Variants in MYO1E observed in about 807,000 individuals in gnomAD.
MYO1E encodes unconventional myosin-Ie.
A neutral mutation model predicts 151.1 loss-of-function variants in MYO1E; 68 were observed. The ratio of observed to expected loss-of-function variants is 0.45; its 90% CI spans 0.37 to 0.55. The LOEUF is 0.55. Among genes scored for constraint, MYO1E ranks in the 20% least tolerant of loss-of-function variants. The pLI is 0.00. For missense variants in MYO1E, 1,363 were observed against 1,389.3 expected, an observed-to-expected ratio of 0.98 and a Z score of 0.30; for synonymous variants, 601 against 501.7, an observed-to-expected ratio of 1.20 and a Z score of -2.64.
chr15:59,342,482 T>C (rs2080771537), intron 1 of MYO1E, among the ~76,000 whole-genome samples: 1 of 152,258 alleles, frequency 6.6e-6, no homozygotes, highest in Non-Finnish European at 1.5e-5. Flanking sequence ...GTCTTAGATT[T>C]AGGTCATTCA....
intron 4 of MYO1E, among the ~76,000 whole-genome samples, chr15:59,253,766 C>A (rs1467896256): frequency 6.6e-6 from 1 of 152,018 alleles, no homozygotes; most frequent in Admixed American, 6.6e-5. Context: ...ACCACCACTC[C>A]CGGCGTCTAA....
intron 5 of MYO1E, 108 bp from the exon 6 acceptor site, chr15:59,231,899 C>T (rs1454424537): frequency 1.0e-5 from 11 of 1,101,636 alleles, no homozygotes; most frequent in Admixed American, 3.8e-5. Flanking sequence ...AGGTGAGGGG[C>T]CCCACACCCG....
Position 59,136,033 on chromosome 15 carries a change from G to A in MYO1E, c.*1347C>T. On this transcript the variant is annotated 3_prime_UTR_variant, in exon 28 of 28. Coordinates refer to ENST00000288235, the MANE Select transcript of MYO1E (RefSeq NM_004998.4). ...GGTTGGAAGTCCAAGACCAAGGTGG[G>A]CAGGGCTGGTTCCTTGTGAGGGTGT... 1 of 152,442 alleles carries A rather than the reference G, an allele frequency of 6.6e-6. No individual in the cohort carries two copies. The highest frequency in any genetic ancestry group is 1.9e-4 in the East Asian group (1 of 5,190). 9.4% of individuals were successfully genotyped at this position (152,442 alleles called of 1,614,324 possible).
intron 1 of MYO1E, among the ~76,000 whole-genome samples, chr15:59,299,273 A>T (rs1454282425): frequency 6.6e-6 from 1 of 152,242 alleles, no homozygotes; most frequent in East Asian, 1.9e-4. Flanking sequence ...TTGAGTAATG[A>T]GATACAAATT....
chr15:59,153,769 G>C lies in MYO1E; in HGVS notation c.2901C>G (p.Ile967Met). 1 of 1,613,900 alleles carries C rather than the reference G, an allele frequency of 6.2e-7. No individual in the cohort carries two copies. Among genetic ancestry groups the C allele is most frequent in the Non-Finnish European group, 8.5e-7 (1 of 1,179,770 alleles). The change falls in exon 26 of 28, where the codon ATC becomes ATG. Residue 967 changes from isoleucine to methionine, a missense_variant. By Grantham distance (10) the Ile-to-Met change is conservative (BLOSUM62 1). Transcript: ENST00000288235. ...GGGGATATGGCACATACTGGTTTCT[G>C]ATGACTCCGTTCTGATGGTATCCTA... ...PPPGYHQNGVIRNQYVPYPHA... is the reference protein window; with the variant it reads ...PPPGYHQNGVMRNQYVPYPHA...
At chr15:59,169,726 G>A (rs1216249063) in intron 22 of MYO1E, among the ~76,000 whole-genome samples, 1 of 152,180 alleles carries the variant, frequency 6.6e-6, no homozygotes, top group Non-Finnish European at 1.5e-5. Context: ...TATATCCCCA[G>A]AGGCTGTAAA....
At chr15:59,371,906 C>T (rs1295465831) in intron 1 of MYO1E, among the ~76,000 whole-genome samples, 1 of 151,018 alleles carries the variant, frequency 6.6e-6, no homozygotes, top group Non-Finnish European at 1.5e-5. Flanking sequence ...CTACCTGGCG[C>T]CCCCGCCTGC....
intron 6 of MYO1E, among the ~76,000 whole-genome samples, chr15:59,229,196 G>T (rs2140353303): frequency 6.6e-6 from 1 of 152,318 alleles, no homozygotes; most frequent in South Asian, 2.1e-4. Context: ...AAGGGCAGGT[G>T]TTGGACAGGC....
chr15:59,276,550 A>T (rs2080320368), intron 1 of MYO1E, among the ~76,000 whole-genome samples: 1 of 152,126 alleles, frequency 6.6e-6, no homozygotes, highest in African/African-American at 2.4e-5. Flanking sequence ...GAGTGCAGAC[A>T]CTCTCAGATC....
intron 4 of MYO1E, among the ~76,000 whole-genome samples, chr15:59,243,340 A>G (rs564169296): frequency 2.0e-5 from 3 of 152,250 alleles, no homozygotes; most frequent in Admixed American, 2.0e-4. Context: ...GGCTATGATA[A>G]TTGGAGGTAC....
intron 3 of MYO1E, among the ~76,000 whole-genome samples, chr15:59,257,684 C>T (rs1441076524): frequency 7.9e-5 from 12 of 152,078 alleles, no homozygotes; most frequent in African/African-American, 2.9e-4. Flanking sequence ...GTATCCGATA[C>T]CCAGTGTTCT....
chr15:59,314,437 G>T (rs1234279122), intron 1 of MYO1E, among the ~76,000 whole-genome samples: 1 of 152,128 alleles, frequency 6.6e-6, no homozygotes, highest in Non-Finnish European at 1.5e-5. Flanking sequence ...CTATTGAGTT[G>T]CCTGCCCTGA....
At chr15:59,237,062 A>G (rs932530477) in intron 4 of MYO1E, among the ~76,000 whole-genome samples, 1 of 152,274 alleles carries the variant, frequency 6.6e-6, no homozygotes, top group East Asian at 1.9e-4. Context: ...GTTAAGTGAA[A>G]TAAGTCATTC....
intron 23 of MYO1E, 110 bp downstream of exon 23, chr15:59,163,047 C>G (rs2079546426): frequency 7.8e-7 from 1 of 1,288,410 alleles, no homozygotes; most frequent in East Asian, 2.5e-5. Flanking sequence ...CCAGCCAGAC[C>G]CCACTCTTCT....
chr15:59,289,386 T>A (rs1191640299), intron 1 of MYO1E, among the ~76,000 whole-genome samples: 2 of 152,246 alleles, frequency 1.3e-5, no homozygotes, highest in African/African-American at 4.8e-5. Context: ...ATGAGGAGAC[T>A]GGGGTCCATC....
intron 18 of MYO1E, among the ~76,000 whole-genome samples, chr15:59,186,487 G>A (rs538293759): frequency 5.3e-5 from 8 of 152,048 alleles, no homozygotes; most frequent in Admixed American, 2.6e-4. Flanking sequence ...TCAGTTTGAC[G>A]CGGTGTGGTC....
chr15:59,363,333 A>T (rs6494101), intron 1 of MYO1E, among the ~76,000 whole-genome samples: 109,840 of 152,090 alleles, frequency 0.72, 43,044 homozygotes, highest in Non-Finnish European at 0.88. Context: ...TCTAGTCTCT[A>T]TGGCAAAGTC....
chr15:59,332,022 C>G (rs1385105783), intron 1 of MYO1E, among the ~76,000 whole-genome samples: 1 of 152,208 alleles, frequency 6.6e-6, no homozygotes, highest in African/African-American at 2.4e-5. Context: ...AGCCTGAAAT[C>G]TAGGTTCTAG....
At chr15:59,145,300 G>T (rs1234268685) in intron 26 of MYO1E, among the ~76,000 whole-genome samples, 1 of 152,162 alleles carries the variant, frequency 6.6e-6, no homozygotes, top group African/African-American at 2.4e-5. Flanking sequence ...CACTGTGCCA[G>T]AACAGGCTTA....
Sources: allele counts gnomAD v4.1 joint callset (sites outside exome capture counted in the v4.1 genomes callset), GRCh38; gene constraint gnomAD v4.1.1; transcripts MANE v1.5; gene names NCBI Gene and HGNC (gene_info 2026-07-23, HGNC 2026-07-21).